The following C8orf34 variants were observed in gnomAD, a reference collection of about 807,000 sequenced individuals.
The protein encoded by C8orf34 is uncharacterized protein C8orf34.
C8orf34 carries 65 observed loss-of-function variants against 68.3 expected under a neutral mutation model. That is an observed-to-expected ratio of 0.95 (90% confidence interval 0.78 to 1.17). The LOEUF (loss-of-function observed/expected upper bound fraction) is 1.17. Ranked by LOEUF, C8orf34 falls within the 50% of genes most tolerant of loss-of-function variation. The probability of loss-of-function intolerance (pLI) is 0.00; values close to 1 mark genes in which losing one functional copy is unlikely to be tolerated. For synonymous variants in C8orf34, 244 were observed against 241.2 expected, an observed-to-expected ratio of 1.01 and a Z score of -0.11; for missense variants, 664 against 655.4, an observed-to-expected ratio of 1.01 and a Z score of -0.14.
chr8:68,662,110 G>A (rs1019335061), intron 8 of C8orf34, among the ~76,000 whole-genome samples: 1 of 152,148 alleles, frequency 6.6e-6, no homozygotes, highest in Non-Finnish European at 1.5e-5. Context: ...ACAGGAATAG[G>A]GCTTGGGGCT....
chr8:68,342,300 C>T, intron 1 of C8orf34, among the ~76,000 whole-genome samples: 1 of 152,086 alleles, frequency 6.6e-6, no homozygotes, highest in East Asian at 1.9e-4. Context: ...AGACTTGACA[C>T]CATAAGCACA....
At chr8:68,342,517 T>C (rs1806114887) in intron 1 of C8orf34, among the ~76,000 whole-genome samples, 1 of 152,164 alleles carries the variant, frequency 6.6e-6, no homozygotes, top group South Asian at 2.1e-4. Flanking sequence ...TTATCTGTGG[T>C]TTCAGTTACT....
intron 7 of C8orf34, among the ~76,000 whole-genome samples, chr8:68,594,920 T>A (rs1030333830): frequency 6.6e-6 from 1 of 152,050 alleles, no homozygotes; most frequent in Non-Finnish European, 1.5e-5. Context: ...GCTTTCTGGT[T>A]TAAAATTTAC....
At chr8:68,772,889 TTC>T (rs1823395299) in intron 10 of C8orf34, among the ~76,000 whole-genome samples, 1 of 151,316 alleles carries the variant, frequency 6.6e-6, no homozygotes, top group Non-Finnish European at 1.5e-5. Flanking sequence ...CCTTCCTTCC[TTC>T]TTTCTTTTTT....
At chr8:68,344,269 T>G (rs969097093) in intron 1 of C8orf34, among the ~76,000 whole-genome samples, 6 of 152,158 alleles carry the variant, frequency 3.9e-5, no homozygotes, top group African/African-American at 1.4e-4. Flanking sequence ...AAAATCTAGG[T>G]GAATTTCCAG....
At chr8:68,747,741 C>A (rs1305075923) in intron 10 of C8orf34, among the ~76,000 whole-genome samples, 14 of 151,712 alleles carry the variant, frequency 9.2e-5, no homozygotes, top group Admixed American at 9.2e-4. Context: ...AAAGAGGATA[C>A]AAACAAATGG....
At chr8:68,776,309 G>T in intron 10 of C8orf34, 90 bp from the exon 11 acceptor site, 1 of 920,244 alleles carries the variant, frequency 1.1e-6, no homozygotes, top group Non-Finnish European at 1.8e-6. Context: ...AATATTTGGT[G>T]TTGCTCTCAG....
intron 1 of C8orf34, among the ~76,000 whole-genome samples, chr8:68,421,400 CAA>C (rs901864097): frequency 1.3e-5 from 2 of 152,114 alleles, no homozygotes; most frequent in African/African-American, 4.8e-5. Context: ...ATAAACAAAA[CAA>C]AACAAAATGA....
intron 1 of C8orf34, among the ~76,000 whole-genome samples, chr8:68,339,898 A>G (rs1407708518): frequency 6.6e-6 from 1 of 152,068 alleles, no homozygotes; most frequent in African/African-American, 2.4e-5. Flanking sequence ...CCTGCCTATT[A>G]TATATAAACA....
chr8:68,598,731 T>C (rs1817616450), intron 7 of C8orf34, among the ~76,000 whole-genome samples: 1 of 152,178 alleles, frequency 6.6e-6, no homozygotes, highest in African/African-American at 2.4e-5. Flanking sequence ...AGGAATCCAT[T>C]GAAAATTTGT....
intron 12 of C8orf34, among the ~76,000 whole-genome samples, chr8:68,797,546 A>C (rs1328852612): frequency 6.6e-6 from 1 of 151,908 alleles, no homozygotes; most frequent in Non-Finnish European, 1.5e-5. Context: ...CACCTTTAAA[A>C]AAAAAAAAGT....
At chr8:68,805,639 G>A (rs987585711) in intron 12 of C8orf34, among the ~76,000 whole-genome samples, 1 of 151,930 alleles carries the variant, frequency 6.6e-6, no homozygotes, top group African/African-American at 2.4e-5. Flanking sequence ...CTATGACATT[G>A]GTACCCCAGC....
intron 4 of C8orf34, among the ~76,000 whole-genome samples, chr8:68,476,146 A>T (rs927132254): frequency 6.6e-6 from 1 of 152,250 alleles, no homozygotes; most frequent in African/African-American, 2.4e-5. Context: ...TTACTTGTTC[A>T]TTCATTCCCA....
chr8:68,658,041 C>T (rs534227371), intron 8 of C8orf34, among the ~76,000 whole-genome samples: 1 of 152,252 alleles, frequency 6.6e-6, no homozygotes, highest in South Asian at 2.1e-4. Flanking sequence ...GCATTTTGAT[C>T]ATGTTATCCA....
intron 11 of C8orf34, among the ~76,000 whole-genome samples, chr8:68,785,498 C>T (rs1405592930): frequency 1.3e-5 from 2 of 152,154 alleles, no homozygotes; most frequent in African/African-American, 2.4e-5. Flanking sequence ...TTTATCATCT[C>T]GAGTACAGTG....
At chr8:68,417,290 T>G (rs1809714837) in intron 1 of C8orf34, among the ~76,000 whole-genome samples, 1 of 152,146 alleles carries the variant, frequency 6.6e-6, no homozygotes, top group African/African-American at 2.4e-5. Context: ...TACTTTTAAG[T>G]CTCCAGGGAA....
chr8:68,426,804 C>T (rs1332413861), intron 1 of C8orf34, among the ~76,000 whole-genome samples: 2 of 151,092 alleles, frequency 1.3e-5, no homozygotes, highest in African/African-American at 4.9e-5. Context: ...AGGAGGTAGA[C>T]GTTGCAGTGA....
intron 7 of C8orf34, among the ~76,000 whole-genome samples, chr8:68,611,583 A>T (rs2130563884): frequency 6.6e-6 from 1 of 152,284 alleles, no homozygotes; most frequent in Admixed American, 6.5e-5. Flanking sequence ...CACTCCTTGT[A>T]GTTGCTAGTC....
At chr8:68,587,598 TAATAA>T (rs1012677063) in intron 7 of C8orf34, among the ~76,000 whole-genome samples, 10 of 152,024 alleles carry the variant, frequency 6.6e-5, no homozygotes, top group African/African-American at 2.4e-4. Context: ...CAAGAAAACT[TAATAA>T]AATAAAACTA....
Sources: gnomAD v4.1 joint callset for allele counts (sites outside exome capture counted in the v4.1 genomes callset) on GRCh38, gnomAD v4.1.1 for gene constraint, MANE v1.5 for transcripts, NCBI Gene and HGNC (gene_info 2026-07-23, HGNC 2026-07-21) for gene names.